RIPOR2: variants seen among roughly 807,000 people sequenced by gnomAD.
The protein encoded by RIPOR2 is RHO family interacting cell polarization regulator 2.
RIPOR2 carries 39 observed loss-of-function variants against 114.5 expected under a neutral mutation model. That is an observed-to-expected ratio of 0.34 (90% CI 0.26 to 0.44). RIPOR2 has a LOEUF of 0.44. Ranked by LOEUF, RIPOR2 falls within the 20% of genes least tolerant of loss-of-function variation. RIPOR2 has a pLI of 1.00. For synonymous variants in RIPOR2, 445 were observed against 484.4 expected, an observed-to-expected ratio of 0.92 and a Z score of 1.07; for missense variants, 1,007 against 1,255.1, an observed-to-expected ratio of 0.80 and a Z score of 2.99.
intron 11 of RIPOR2, among the ~76,000 whole-genome samples, chr6:24,848,511 G>A (rs984782644): frequency 2.6e-5 from 4 of 152,086 alleles, no homozygotes; most frequent in Admixed American, 1.3e-4. Context: ...TGAACTTTGC[G>A]GGGCTAGATA....
chr6:24,860,458 C>CG (rs1415432705), intron 8 of RIPOR2, among the ~76,000 whole-genome samples: 2 of 152,054 alleles, frequency 1.3e-5, no homozygotes, highest in Non-Finnish European at 2.9e-5. Context: ...TTTGAGACAA[C>CG]GGGGGAAATC....
rs375230489 is a variant in RIPOR2 at position 24,854,895 on chromosome 6, C to T, written c.716-2277G>A. Among the ~76,000 whole-genome samples, 79 of 151,718 alleles carry T rather than the reference C, an allele frequency of 5.2e-4. 1 individual carries two copies. In the South Asian group the frequency reaches 8.7e-3, roughly 17 times the overall value. ...ATACAAAATTAGCCGGGTGTGGTGT[C>T]GGGTACCTGTAATCCCAGCTACTCG... On this transcript the variant is annotated intron_variant, in intron 8 of 21. Coordinates refer to ENST00000643898, the MANE Select transcript of RIPOR2 (RefSeq NM_001286445.3).
intron 1 of RIPOR2, among the ~76,000 whole-genome samples, chr6:24,896,591 C>A (rs962002943): frequency 5.3e-5 from 8 of 152,048 alleles, no homozygotes; most frequent in African/African-American, 1.9e-4. Context: ...ATCAGGAGGT[C>A]AAAAATAGTT....
chr6:24,928,566 G>A (rs1050618383), intron 1 of RIPOR2, among the ~76,000 whole-genome samples: 5 of 152,168 alleles, frequency 3.3e-5, no homozygotes, highest in African/African-American at 1.2e-4. Flanking sequence ...GAAGTCAAGA[G>A]GGAGAAGGGA....
chr6:24,822,454 C>A (rs1441057535), intron 19 of RIPOR2, among the ~76,000 whole-genome samples: 4 of 152,132 alleles, frequency 2.6e-5, no homozygotes, highest in African/African-American at 9.7e-5. Context: ...GAGATGATAG[C>A]TGACCCTGTT....
chr6:24,983,079 ACTC>A (rs1464551606), intron 1 of RIPOR2, among the ~76,000 whole-genome samples: 1 of 151,906 alleles, frequency 6.6e-6, no homozygotes. Context: ...TGGAGGATCT[ACTC>A]AGGGGACTAG....
intron 15 of RIPOR2, among the ~76,000 whole-genome samples, chr6:24,834,200 CCA>C (rs1760915619): frequency 1.3e-5 from 2 of 152,168 alleles, no homozygotes; most frequent in African/African-American, 2.4e-5. Flanking sequence ...TGTTGGCTAA[CCA>C]AGTGGCAGGA....
At chr6:24,977,679 G>A (rs1036403731) in intron 1 of RIPOR2, among the ~76,000 whole-genome samples, 7 of 152,132 alleles carry the variant, frequency 4.6e-5, no homozygotes, top group South Asian at 2.1e-4. Flanking sequence ...AGTGATGGGA[G>A]GGTAGCTATG....
intron 1 of RIPOR2, among the ~76,000 whole-genome samples, chr6:25,018,132 T>G (rs905635322): frequency 2.6e-5 from 4 of 152,118 alleles, no homozygotes; most frequent in Non-Finnish European, 4.4e-5. Context: ...GTCTGAAGGG[T>G]TTCATGTTGG....
chr6:25,005,268 G>T (rs1309762500), intron 1 of RIPOR2, among the ~76,000 whole-genome samples: 1 of 152,096 alleles, frequency 6.6e-6, no homozygotes, highest in African/African-American at 2.4e-5. Context: ...ACTCTGACCG[G>T]GTTGTCCGTA....
chr6:24,810,259 T>C (rs140064897), intron 20 of RIPOR2, among the ~76,000 whole-genome samples: 295 of 152,262 alleles, frequency 1.9e-3, no homozygotes, highest in Middle Eastern at 3.4e-3. Flanking sequence ...GGCCCAGAGT[T>C]CTTACTTTCA....
At chr6:24,941,959 A>C (rs778268293) in intron 1 of RIPOR2, among the ~76,000 whole-genome samples, 5 of 152,182 alleles carry the variant, frequency 3.3e-5, no homozygotes, top group African/African-American at 1.2e-4. Context: ...TGTCTGTGAG[A>C]GATGTGGGGA....
intron 1 of RIPOR2, among the ~76,000 whole-genome samples, chr6:25,033,354 G>T (rs1777090950): frequency 6.6e-6 from 1 of 152,132 alleles, no homozygotes; most frequent in African/African-American, 2.4e-5. Context: ...CCCCTCCAAG[G>T]CAGCTCCCCA....
intron 7 of RIPOR2, among the ~76,000 whole-genome samples, chr6:24,865,011 G>A (rs1253342962): frequency 2.0e-5 from 3 of 152,140 alleles, no homozygotes; most frequent in Admixed American, 6.5e-5. Flanking sequence ...GCAGTGGCGC[G>A]ATCGTAGCTC....
intron 1 of RIPOR2, among the ~76,000 whole-genome samples, chr6:24,923,707 A>G (rs385886): frequency 0.35 from 53,504 of 151,652 alleles, 10,526 homozygotes; most frequent in African/African-American, 0.54. Context: ...TTAGCAGGGG[A>G]CGTGATGGCG....
Position 24,843,272 on chromosome 6 carries a change from C to T in RIPOR2, c.1447G>A (p.Asp483Asn), listed in dbSNP as rs1442990124. 2 of 1,614,030 alleles carry T rather than the reference C, an allele frequency of 1.2e-6. No homozygotes were observed. Among genetic ancestry groups the T allele is most frequent in the South Asian group, 1.1e-5 (1 of 91,086 alleles). ...GCAGGTTTTCTGGGCTCCTCTGGGT[C>T]TTCCTCCTTCAGGTGTGACTTTGGC... ...QEPKSHLKEE[D>N]PEEPRKPASA... Residue 483 changes from aspartate to asparagine, a missense_variant, in exon 13 of 22, where the codon GAC becomes AAC. Coordinates refer to ENST00000643898, the MANE Select transcript of RIPOR2 (RefSeq NM_001286445.3).
In RIPOR2 at chr6:24,850,721, A is replaced by T; in HGVS notation, c.761T>A (p.Ile254Asn). 6.2e-7 allele frequency: 1 copy of T among 1,613,516 alleles called. No homozygotes were observed. The highest frequency in any genetic ancestry group is 8.5e-7 in the Non-Finnish European group (1 of 1,179,832). Residue 254 changes from isoleucine to asparagine, a missense_variant and splice_region_variant, in exon 10 of 22, where the codon ATT becomes AAT. Transcript: ENST00000643898. ...CCGCTGCCGGCCATACTTCATGAAA[A>T]TCTGGAGAGGAGACATCCAAGGGCC... ...ARLCPGDQYE[I>N]FMKYGRQRWK...
chr6:25,023,283 A>G (rs1776420686), intron 1 of RIPOR2: 3 of 757,788 alleles, frequency 4.0e-6, no homozygotes, highest in Non-Finnish European at 4.8e-6. Context: ...AGACGATGAT[A>G]TTCCTATTCC....
intron 5 of RIPOR2, among the ~76,000 whole-genome samples, chr6:24,869,659 A>T (rs2747667): frequency 0.41 from 61,567 of 151,990 alleles, 13,092 homozygotes; most frequent in African/African-American, 0.55. Context: ...TATTTTGAGA[A>T]GTGAACTTGA....
Sources: gnomAD v4.1 joint callset for allele counts (sites outside exome capture counted in the v4.1 genomes callset) on GRCh38, gnomAD v4.1.1 for gene constraint, MANE v1.5 for transcripts, NCBI Gene and HGNC (gene_info 2026-07-23, HGNC 2026-07-21) for gene names.